SRGAP2: variants seen among roughly 807,000 people sequenced by gnomAD.
The protein encoded by SRGAP2 is SLIT-ROBO Rho GTPase activating protein 2.
In SRGAP2, 15 loss-of-function variants were observed where a neutral mutation model predicts 57.2. That is an observed-to-expected ratio of 0.26 (90% CI 0.18 to 0.40). The LOEUF is 0.40. Ranked by LOEUF, SRGAP2 falls within the 10% of genes least tolerant of loss-of-function variation. The pLI, the probability that SRGAP2 is intolerant of heterozygous loss-of-function variation, is 1.00. For missense variants in SRGAP2, 520 were observed against 669.6 expected, an observed-to-expected ratio of 0.78 and a Z score of 2.47; for synonymous variants, 249 against 248.0, an observed-to-expected ratio of 1.00 and a Z score of -0.04.
intron 8 of SRGAP2, among the ~76,000 whole-genome samples, chr1:206,401,993 C>A (rs1658229586): frequency 1.3e-5 from 2 of 150,632 alleles, no homozygotes; most frequent in South Asian, 2.1e-4. Context: ...CTAAAAACTA[C>A]CAACAGTTCA....
chr1:206,432,721 A>C (rs1025762617), intron 14 of SRGAP2, among the ~76,000 whole-genome samples: 1 of 152,254 alleles, frequency 6.6e-6, no homozygotes, highest in Non-Finnish European at 1.5e-5. Context: ...TAATGGGGTT[A>C]CGTACGCATA....
In SRGAP2 at chr1:206,463,137, A is replaced by T. The variant is rs1293442833; in HGVS notation, c.*1717A>T. 1.6e-5 allele frequency: 2 copies of T among 128,502 alleles called. No homozygotes were observed. The highest frequency in any genetic ancestry group is 5.6e-5 in the African/African-American group (2 of 35,644). The allele number at this position is 128,502 out of a possible 1,614,324, so 8.0% of individuals were successfully genotyped here. On this transcript the variant is annotated 3_prime_UTR_variant, in exon 23 of 23. Transcript: ENST00000573034. Reference sequence around the variant, plus strand: ...GCGAAATTGGTAGTTAGGTCTATGGAAAGTGGTAGGATTTTTTTTTTTTTA... The same window carrying T: ...GCGAAATTGGTAGTTAGGTCTATGGTAAGTGGTAGGATTTTTTTTTTTTTA...
At chr1:206,305,560 A>G (rs1672139423) in intron 3 of SRGAP2, among the ~76,000 whole-genome samples, 1 of 152,146 alleles carries the variant, frequency 6.6e-6, no homozygotes, top group African/African-American at 2.4e-5. Flanking sequence ...ATTCAGCACT[A>G]TCTACCTTCT....
At position 206,451,115 on chromosome 1, in the gene SRGAP2, TAAAAAAAAA is replaced by T. The variant is rs67862340; in HGVS notation, c.2179+666_2179+674del. Among the ~76,000 whole-genome samples, 49 of 69,248 alleles carry T rather than the reference TAAAAAAAAA, an allele frequency of 7.1e-4. 2 individuals are homozygous for T. Among genetic ancestry groups the T allele is most frequent in the African/African-American group, 2.9e-3 (48 of 16,816 alleles). The allele number at this position is 69,248 out of a possible 152,430, so 45.4% of individuals were successfully genotyped here. A position where few individuals can be genotyped will look rare whatever the true frequency, so the allele number is the denominator to read the frequency against. On this transcript the variant is annotated intron_variant, in intron 19 of 22. Transcript: ENST00000573034. ...CTGGGTGAGAGAGTGAGACCCTGTC[TAAAAAAAAA>T]AAAAAAAAAAAAAAAGTAAGCCTGG... is the stretch of plus-strand genomic sequence containing the variant.
At chr1:206,313,641 G>C (rs1388510367) in intron 3 of SRGAP2, among the ~76,000 whole-genome samples, 1 of 152,210 alleles carries the variant, frequency 6.6e-6, no homozygotes, top group Non-Finnish European at 1.5e-5. Flanking sequence ...TAGGGATTTG[G>C]CTCTATGCAA....
chr1:206,449,126 G>A (rs192672112), intron 18 of SRGAP2, among the ~76,000 whole-genome samples: 82 of 152,180 alleles, frequency 5.4e-4, no homozygotes, highest in Non-Finnish European at 3.8e-4. Context: ...TACTACCAGA[G>A]GAAGAACTTT....
At chr1:206,375,351 C>A (rs1403145304) in intron 4 of SRGAP2, among the ~76,000 whole-genome samples, 2 of 151,424 alleles carry the variant, frequency 1.3e-5, no homozygotes, top group Non-Finnish European at 2.9e-5. Context: ...TAGTGTCCTG[C>A]TTGGGAAATG....
In SRGAP2 at chr1:206,453,350, TC is replaced by T; in HGVS notation, c.2335del (p.His779IlefsTer34). 1.4e-6 allele frequency: 1 copy of T among 734,918 alleles called. No individual in the cohort carries two copies. The highest frequency in any genetic ancestry group is 2.5e-6 in the Non-Finnish European group (1 of 393,598). 45.5% of individuals were successfully genotyped at this position (734,918 alleles called of 1,614,324 possible). A position where few individuals can be genotyped will look rare whatever the true frequency, so the allele number is the denominator to read the frequency against. ...CGGCACAATGGCATCGACGGACTCA[TC>T]CCCCATCAGTACATCGTGGTCCAAG... ...EGRHNGIDGL[I>X]PHQYIVVQDT... On this transcript the variant is annotated frameshift_variant, in exon 20 of 23. Coordinates refer to ENST00000573034, the MANE Select transcript of SRGAP2 (RefSeq NM_015326.5). LOFTEE classifies it high-confidence loss of function.
chr1:206,240,744 C>T (rs1333130543), intron 2 of SRGAP2, among the ~76,000 whole-genome samples: 2 of 152,202 alleles, frequency 1.3e-5, no homozygotes, highest in East Asian at 1.9e-4. Flanking sequence ...AATTAAGATA[C>T]GTGCTCATGG....
intron 14 of SRGAP2, among the ~76,000 whole-genome samples, chr1:206,434,795 C>A (rs1553369422): frequency 6.6e-6 from 1 of 152,156 alleles, no homozygotes; most frequent in Non-Finnish European, 1.5e-5. Context: ...TTGTCCTGGA[C>A]CCCCAGGCCA....
Position 206,458,863 on chromosome 1 carries a change from T to A in SRGAP2, c.2748T>A (p.Ser916Arg), listed in dbSNP as rs782357195. 1.3e-6 allele frequency: 1 copy of A among 780,490 alleles called. No homozygotes were observed. The highest frequency in any genetic ancestry group is 1.3e-5 in the South Asian group (1 of 74,528). 48.3% of individuals were successfully genotyped at this position (780,490 alleles called of 1,614,324 possible). A position where few individuals can be genotyped will look rare whatever the true frequency, so the allele number is the denominator to read the frequency against. ...CATCCCTGAAGAATCGGCTGGATAG[T>A]CCACAGATCCGGAAGACTGCCACAG... ...RHSSLKNRLD[S>R]PQIRKTATAG... is the part of the protein sequence containing the mutation. The change falls in exon 22 of 23, where the codon AGT becomes AGA. Residue 916 changes from serine to arginine, a missense_variant. Around this residue, in one of 5 missense-constraint regions of SRGAP2, gnomAD observed 478 missense variants for 373.6 expected, o/e 1.28. Coordinates refer to ENST00000573034, the MANE Select transcript of SRGAP2 (RefSeq NM_015326.5).
chr1:206,399,127 A>G (rs1316722767), intron 7 of SRGAP2, among the ~76,000 whole-genome samples: 34 of 152,166 alleles, frequency 2.2e-4, no homozygotes, highest in African/African-American at 8.2e-4. Flanking sequence ...GAAGACTAAT[A>G]CTCTACCCTA....
intron 19 of SRGAP2, among the ~76,000 whole-genome samples, chr1:206,451,760 T>C (rs980191924): frequency 1.3e-5 from 2 of 152,180 alleles, no homozygotes; most frequent in Non-Finnish European, 2.9e-5. Context: ...GAAAAAGATA[T>C]GGCCGCTATT....
chr1:206,370,231 A>T (rs1293736562), intron 4 of SRGAP2, among the ~76,000 whole-genome samples: 3 of 152,164 alleles, frequency 2.0e-5, no homozygotes, highest in African/African-American at 4.8e-5. Flanking sequence ...GCACCACTGC[A>T]CTCCAGCCTG....
chr1:206,263,595 A>G (rs549657320), intron 2 of SRGAP2, among the ~76,000 whole-genome samples: 145 of 151,092 alleles, frequency 9.6e-4, no homozygotes, highest in Middle Eastern at 3.4e-3. Flanking sequence ...AAGCCACTGA[A>G]ATTTTGGGGG....
rs781933398 is a variant in SRGAP2 at position 206,461,216 on chromosome 1, C to T, written c.3012C>T (p.Pro1004=). Residue 1004 remains proline (P), a synonymous_variant, in exon 23 of 23, where the codon CCC becomes CCT. Coordinates refer to ENST00000573034, the MANE Select transcript of SRGAP2 (RefSeq NM_015326.5). ...SPLHTQLLKD[P]EPAFQRSAST... ...TGCACACCCAGCTCCTCAAGGACCC[C>T]GAGCCCGCCTTCCAGCGCAGCGCCA... is the stretch of plus-strand genomic sequence containing the variant. The T allele has an allele frequency of 1.7e-5, 13 of 780,440 alleles. No individual in the cohort carries two copies. Among genetic ancestry groups the T allele is most frequent in the Admixed American group, 1.2e-4 (7 of 58,986 alleles). 48.3% of individuals were successfully genotyped at this position (780,440 alleles called of 1,614,324 possible). A position where few individuals can be genotyped will look rare whatever the true frequency, so the allele number is the denominator to read the frequency against.
Position 206,454,926 on chromosome 1 carries a change from C to A in SRGAP2, c.2409C>A (p.Val803=). The change falls in exon 21 of 23, where the codon GTC becomes GTA. Residue 803 remains valine, a synonymous_variant. Transcript: ENST00000573034. The surrounding 1 kb of genome is among the most constrained non-coding windows in gnomAD (Gnocchi z 4.3). The stretch of plus-strand genomic sequence containing the variant: ...CCAGCCCCAAGTCTGAGATTGAGGT[C>A]ATTTCTGAGCCACCTGAAGAAAAGG... ...ERSSPKSEIE[V]ISEPPEEKVT... is the part of the protein sequence containing the mutation. The A allele has an allele frequency of 1.3e-6, 1 of 780,510 alleles. No homozygotes were observed. The highest frequency in any genetic ancestry group is 2.4e-6 in the Non-Finnish European group (1 of 417,736). 48.3% of individuals were successfully genotyped at this position (780,510 alleles called of 1,614,324 possible). A position where few individuals can be genotyped will look rare whatever the true frequency, so the allele number is the denominator to read the frequency against.
chr1:206,436,081 G>A (rs990216305), intron 14 of SRGAP2, among the ~76,000 whole-genome samples: 1 of 143,340 alleles, frequency 7.0e-6, no homozygotes, highest in Non-Finnish European at 1.5e-5. Context: ...ACAATATTAC[G>A]AGATTTTGGG....
intron 13 of SRGAP2, among the ~76,000 whole-genome samples, chr1:206,423,419 C>A (rs1553365064): frequency 6.6e-6 from 1 of 152,180 alleles, no homozygotes; most frequent in Non-Finnish European, 1.5e-5. Flanking sequence ...ATGAGTAATT[C>A]CTCAGTGATC....
Sources: gnomAD v4.1 joint callset for allele counts (sites outside exome capture counted in the v4.1 genomes callset) on GRCh38, gnomAD v4.1.1 for gene constraint, gnomAD v4.1.1 regional missense constraint, Gnocchi (gnomAD v3.1) non-coding constraint, MANE v1.5 for transcripts, NCBI Gene and HGNC (gene_info 2026-07-23, HGNC 2026-07-21) for gene names.